Variants in SMC6 observed in about 807,000 individuals in gnomAD.
SMC6 encodes structural maintenance of chromosomes 6, also known as structural maintenance of chromosomes protein 6.
SMC6 carries 79 observed loss-of-function variants against 142.2 expected under a neutral mutation model. The ratio of observed to expected loss-of-function variants is 0.56; its 90% CI spans 0.46 to 0.67. SMC6 has a LOEUF of 0.67. Ranked by LOEUF, SMC6 falls within the 30% of genes least tolerant of loss-of-function variation. SMC6 has a pLI of 0.00. For missense variants in SMC6, 1,072 were observed against 1,284.0 expected (o/e 0.83, Z 2.52); for synonymous variants, 411 against 412.4 (o/e 1.00, Z 0.04).
intron 18 of SMC6, among the ~76,000 whole-genome samples, chr2:17,705,800 T>G (rs530010427): frequency 6.6e-6 from 1 of 152,208 alleles, no homozygotes; most frequent in Non-Finnish European, 1.5e-5. Flanking sequence ...CTCCTTAGTT[T>G]TTTTTACTGA....
intron 7 of SMC6, among the ~76,000 whole-genome samples, chr2:17,726,871 G>A (rs919552297): frequency 1.4e-4 from 21 of 152,228 alleles, no homozygotes; most frequent in Admixed American, 9.2e-4. Context: ...AGTCACCTCG[G>A]GTTCTTGTTT....
chr2:17,691,379 T>G (rs1436648777), intron 23 of SMC6, among the ~76,000 whole-genome samples: 1 of 149,566 alleles, frequency 6.7e-6, no homozygotes, highest in South Asian at 2.2e-4. Context: ...TACACATTTT[T>G]CTTTCTTCAT....
At chr2:17,675,739 G>A (rs992982524) in intron 25 of SMC6, among the ~76,000 whole-genome samples, 1 of 151,916 alleles carries the variant, frequency 6.6e-6, no homozygotes, top group Non-Finnish European at 1.5e-5. Context: ...TTGCTCTTTC[G>A]AAACTAATGC....
At chr2:17,744,796 G>C (rs920441014) in intron 3 of SMC6, among the ~76,000 whole-genome samples, 2 of 152,156 alleles carry the variant, frequency 1.3e-5, no homozygotes, top group East Asian at 3.8e-4. Flanking sequence ...AACAGGTGTT[G>C]AATTTTATCA....
intron 26 of SMC6, among the ~76,000 whole-genome samples, chr2:17,667,829 A>G (rs1666572987): frequency 6.6e-6 from 1 of 152,208 alleles, no homozygotes; most frequent in South Asian, 2.1e-4. Flanking sequence ...CAGCCTGGGT[A>G]ACAGAACGAG....
At chr2:17,736,324 T>C (rs1157570573) in intron 5 of SMC6, among the ~76,000 whole-genome samples, 1 of 152,176 alleles carries the variant, frequency 6.6e-6, no homozygotes, top group Admixed American at 6.5e-5. Context: ...CAGGCAGCCA[T>C]GTCCTTAGAA....
At chr2:17,740,755 C>A (rs1033855959) in intron 4 of SMC6, 1 of 439,234 alleles carries the variant, frequency 2.3e-6, no homozygotes, top group Non-Finnish European at 4.6e-6. Flanking sequence ...AAGGCTGAAA[C>A]AGGAGAATCG....
chr2:17,675,417 T>C lies in SMC6; in HGVS notation c.2910+3442A>G, dbSNP rs191187048. ...TAGACGGCTGAAACTGTTTTGTATT[T>C]ACCCATAGATTTACCTTTTGCATTC... is the stretch of plus-strand genomic sequence containing the variant. On this transcript the variant is annotated intron_variant, in intron 25 of 27. Transcript: ENST00000448223. Among the ~76,000 whole-genome samples the C allele has an allele frequency of 6.5e-4, 99 of 152,226 alleles. 1 individual carries two copies. Among genetic ancestry groups the C allele is most frequent in the East Asian group, 4.2e-3 (22 of 5,190 alleles).
chr2:17,736,921 TA>T (rs547690270), intron 5 of SMC6, among the ~76,000 whole-genome samples: 219 of 151,850 alleles, frequency 1.4e-3, no homozygotes, highest in Non-Finnish European at 2.2e-3. Context: ...TAATAATAAT[TA>T]AAAAAAATTT....
intron 24 of SMC6, among the ~76,000 whole-genome samples, chr2:17,682,711 T>C (rs1437328269): frequency 6.6e-6 from 1 of 151,872 alleles, no homozygotes; most frequent in Non-Finnish European, 1.5e-5. Flanking sequence ...TAGGAAAAAA[T>C]TAGCCCACAA....
chr2:17,714,092 GTT>G (rs10574833), intron 16 of SMC6, among the ~76,000 whole-genome samples: 24,664 of 138,954 alleles, frequency 0.18, 2,862 homozygotes, highest in African/African-American at 0.37. Context: ...TGTTTTTTTT[GTT>G]TTTTTTTTTT....
At chr2:17,675,585 C>T (rs559184080) in intron 25 of SMC6, among the ~76,000 whole-genome samples, 1 of 152,054 alleles carries the variant, frequency 6.6e-6, no homozygotes, top group Non-Finnish European at 1.5e-5. Flanking sequence ...TAAGATGTTT[C>T]ATCCTCATTT....
intron 16 of SMC6, among the ~76,000 whole-genome samples, chr2:17,714,547 G>A (rs1668986817): frequency 6.6e-6 from 1 of 152,142 alleles, no homozygotes; most frequent in African/African-American, 2.4e-5. Flanking sequence ...TGTGTGTAAT[G>A]GGTGCCAATG....
intron 9 of SMC6, among the ~76,000 whole-genome samples, chr2:17,721,462 A>G (rs1013588211): frequency 1.3e-5 from 2 of 152,196 alleles, no homozygotes; most frequent in African/African-American, 4.8e-5. Flanking sequence ...TTTCTGCACT[A>G]TAAAAATGGC....
chr2:17,666,935 T>TCGCAC (rs1167489216), intron 26 of SMC6, among the ~76,000 whole-genome samples: 1 of 152,078 alleles, frequency 6.6e-6, no homozygotes, highest in African/African-American at 2.4e-5. Context: ...TAAGCTATGA[T>TCGCAC]CGCACCATTG....
intron 23 of SMC6, 25 bp downstream of exon 23, chr2:17,695,127 A>G (rs1205762350): frequency 6.2e-7 from 1 of 1,610,480 alleles, no homozygotes; most frequent in South Asian, 1.1e-5. Flanking sequence ...AATGTGGTAA[A>G]GCAGAAAAGC....
chr2:17,745,270 TG>T (rs1317429948), intron 3 of SMC6, among the ~76,000 whole-genome samples: 2 of 150,948 alleles, frequency 1.3e-5, no homozygotes, highest in African/African-American at 4.9e-5. Flanking sequence ...TGTAGATTCA[TG>T]TTAATTCTTC....
intron 4 of SMC6, 140 bp downstream of exon 4, chr2:17,741,472 C>T (rs1670468312): frequency 5.1e-6 from 3 of 589,932 alleles, no homozygotes; most frequent in Non-Finnish European, 9.0e-6. Flanking sequence ...GCAGCAAATA[C>T]CAAGAATATT....
intron 24 of SMC6, among the ~76,000 whole-genome samples, chr2:17,682,352 G>A (rs1667272859): frequency 3.3e-5 from 5 of 152,160 alleles, no homozygotes; most frequent in Admixed American, 3.3e-4. Context: ...GAAACAAATT[G>A]AACCCCACCA....
Sources: allele counts gnomAD v4.1 joint callset (sites outside exome capture counted in the v4.1 genomes callset), GRCh38; gene constraint gnomAD v4.1.1; transcripts MANE v1.5; gene names NCBI Gene and HGNC (gene_info 2026-07-23, HGNC 2026-07-21).